ZNF385D: variants seen among roughly 807,000 people sequenced by gnomAD.
The protein encoded by ZNF385D is zinc finger protein 659.
Under a neutral mutation model 35.8 loss-of-function variants are expected in ZNF385D, and 15 were observed. That is an observed-to-expected ratio of 0.42 (90% CI 0.28 to 0.64). The LOEUF (loss-of-function observed/expected upper bound fraction) is 0.64. Among genes scored for constraint, ZNF385D ranks in the 30% least tolerant of loss-of-function variants. ZNF385D has a pLI of 0.23. For synonymous variants in ZNF385D, 212 were observed against 186.8 expected, an observed-to-expected ratio of 1.13 and a Z score of -1.10; for missense variants, 474 against 494.6, an observed-to-expected ratio of 0.96 and a Z score of 0.39.
chr3:22,015,628 C>G (rs1696838541), intron 3 of ZNF385D, among the ~76,000 whole-genome samples: 1 of 152,120 alleles, frequency 6.6e-6, no homozygotes, highest in African/African-American at 2.4e-5. Flanking sequence ...TGAGTGAACA[C>G]AAACATCATC....
intron 3 of ZNF385D, among the ~76,000 whole-genome samples, chr3:21,869,771 T>C (rs1233369449): frequency 6.6e-6 from 1 of 152,132 alleles, no homozygotes; most frequent in Admixed American, 6.6e-5. Flanking sequence ...TCTTATACTA[T>C]AAGACAGAAA....
chr3:22,342,231 A>C (rs1447982223), intron 2 of ZNF385D, among the ~76,000 whole-genome samples: 7 of 138,682 alleles, frequency 5.0e-5, no homozygotes, highest in Non-Finnish European at 9.1e-5. Flanking sequence ...GAGCCGAGAT[A>C]GCCCCATTGC....
intron 3 of ZNF385D, among the ~76,000 whole-genome samples, chr3:22,123,921 C>CAT (rs1703250191): frequency 3.9e-4 from 31 of 79,550 alleles, no homozygotes; most frequent in African/African-American, 1.4e-3. Context: ...AGCTAGACTC[C>CAT]ATCTCTCTCT....
intron 1 of ZNF385D, among the ~76,000 whole-genome samples, chr3:21,692,194 A>G (rs974360699): frequency 6.6e-6 from 1 of 152,120 alleles, no homozygotes; most frequent in Non-Finnish European, 1.5e-5. Flanking sequence ...TTTTAACCAC[A>G]TTTTTGGATG....
chr3:22,056,607 T>C (rs1262858529), intron 3 of ZNF385D, among the ~76,000 whole-genome samples: 2 of 152,180 alleles, frequency 1.3e-5, no homozygotes, highest in Admixed American at 6.5e-5. Context: ...CAAAAAGAAC[T>C]CTACAAATCA....
chr3:21,968,350 A>G (rs1343201802), intron 3 of ZNF385D, among the ~76,000 whole-genome samples: 1 of 152,108 alleles, frequency 6.6e-6, no homozygotes, highest in Non-Finnish European at 1.5e-5. Flanking sequence ...AAGGACTCCA[A>G]TTCCCAGGCA....
chr3:21,920,294 G>C (rs979142544), intron 3 of ZNF385D, among the ~76,000 whole-genome samples: 1 of 152,008 alleles, frequency 6.6e-6, no homozygotes, highest in Non-Finnish European at 1.5e-5. Flanking sequence ...CAGACGCAGT[G>C]CTTCAAACAC....
chr3:22,278,114 A>T (rs1701526072), intron 2 of ZNF385D, among the ~76,000 whole-genome samples: 1 of 152,108 alleles, frequency 6.6e-6, no homozygotes. Context: ...TTGCTTAGTT[A>T]GAACAGAACA....
intron 2 of ZNF385D, among the ~76,000 whole-genome samples, chr3:22,267,649 AC>A (rs1363327457): frequency 6.6e-6 from 1 of 151,874 alleles, no homozygotes; most frequent in African/African-American, 2.4e-5. Context: ...TTTTACCTAC[AC>A]TTTTCTTTGT....
intron 3 of ZNF385D, among the ~76,000 whole-genome samples, chr3:21,988,765 A>T (rs537401257): frequency 2.7e-4 from 41 of 151,634 alleles, no homozygotes; most frequent in African/African-American, 8.4e-4. Context: ...CCCCTCCCCC[A>T]GCCTCGCTGC....
intron 2 of ZNF385D, among the ~76,000 whole-genome samples, chr3:22,313,937 A>G (rs1377019020): frequency 6.6e-6 from 1 of 151,974 alleles, no homozygotes; most frequent in Non-Finnish European, 1.5e-5. Flanking sequence ...CTCTCTTCTC[A>G]GTTATCCTAT....
intron 3 of ZNF385D, among the ~76,000 whole-genome samples, chr3:21,761,262 G>C (rs1230544649): frequency 1.3e-5 from 2 of 152,210 alleles, no homozygotes; most frequent in African/African-American, 2.4e-5. Flanking sequence ...AGCACCATCA[G>C]CTGAGCAACT....
In ZNF385D at chr3:21,744,785, G is replaced by A. The variant is rs568124519; in HGVS notation, c.22+6110C>T. Among the ~76,000 whole-genome samples, 17 of 151,944 alleles carry A rather than the reference G, an allele frequency of 1.1e-4. No individual in the cohort carries two copies. The South Asian group carries it at 3.5e-3, about 32-fold the overall frequency. On this transcript the variant is annotated intron_variant, in intron 1 of 7. Transcript: ENST00000281523. ...ACTAGAAACAGAAAAAAAGATTATG[G>A]AATTTATCACATTTAATTTAAAATT...
At chr3:22,337,365 C>T (rs1292197170) in intron 2 of ZNF385D, among the ~76,000 whole-genome samples, 1 of 152,070 alleles carries the variant, frequency 6.6e-6, no homozygotes, top group Non-Finnish European at 1.5e-5. Flanking sequence ...GAAACCCTCT[C>T]TCTACTAAAA....
chr3:21,973,588 G>C (rs1703403263), intron 3 of ZNF385D, among the ~76,000 whole-genome samples: 1 of 151,838 alleles, frequency 6.6e-6, no homozygotes, highest in African/African-American at 2.4e-5. Flanking sequence ...AGAAGAGAAA[G>C]AAATAAAGGC....
At chr3:21,631,270 G>A (rs1287452500) in intron 2 of ZNF385D, among the ~76,000 whole-genome samples, 1 of 151,998 alleles carries the variant, frequency 6.6e-6, no homozygotes, top group African/African-American at 2.4e-5. Flanking sequence ...CAGATTAAGA[G>A]TTCTCCTCTC....
At chr3:22,029,103 G>A (rs977373469) in intron 3 of ZNF385D, among the ~76,000 whole-genome samples, 1 of 152,076 alleles carries the variant, frequency 6.6e-6, no homozygotes, top group South Asian at 2.1e-4. Context: ...CCAGAGGGAG[G>A]AACGCTGCCA....
chr3:21,748,719 C>T (rs1286512124), intron 1 of ZNF385D, among the ~76,000 whole-genome samples: 1 of 152,158 alleles, frequency 6.6e-6, no homozygotes, highest in Admixed American at 6.5e-5. Context: ...GAAAGCATTG[C>T]TTGGAAAAAT....
At chr3:21,998,030 G>A (rs1044200301) in intron 3 of ZNF385D, among the ~76,000 whole-genome samples, 2 of 151,890 alleles carry the variant, frequency 1.3e-5, no homozygotes, top group African/African-American at 4.8e-5. Context: ...AAACCAGCCA[G>A]GACTATGAAT....
Sources: gnomAD v4.1 joint callset for allele counts (sites outside exome capture counted in the v4.1 genomes callset) on GRCh38, gnomAD v4.1.1 for gene constraint, MANE v1.5 for transcripts, NCBI Gene and HGNC (gene_info 2026-07-23, HGNC 2026-07-21) for gene names.